The following HPSE2 variants were observed in gnomAD, a reference collection of about 807,000 sequenced individuals.
The protein encoded by HPSE2 is inactive heparanase-2.
Under a neutral mutation model 60.5 loss-of-function variants are expected in HPSE2, and 38 were observed. The observed-to-expected ratio is 0.63, with a 90% CI of 0.48 to 0.82. The LOEUF (loss-of-function observed/expected upper bound fraction) is 0.82, where lower values mean the gene tolerates loss of function less well. Ranked by LOEUF, HPSE2 falls within the 40% of genes least tolerant of loss-of-function variation. HPSE2 has a pLI of 0.00. For missense variants in HPSE2, 713 were observed against 740.4 expected, an observed-to-expected ratio of 0.96 and a Z score of 0.43; for synonymous variants, 295 against 293.2, an observed-to-expected ratio of 1.01 and a Z score of -0.06.
intron 3 of HPSE2, among the ~76,000 whole-genome samples, chr10:98,963,169 C>T (rs920102012): frequency 6.6e-6 from 1 of 152,152 alleles, no homozygotes; most frequent in Non-Finnish European, 1.5e-5. Context: ...TATGTACTTT[C>T]TGACCTTCTA....
chr10:98,620,000 A>G (rs1399101154), intron 8 of HPSE2, among the ~76,000 whole-genome samples: 2 of 152,144 alleles, frequency 1.3e-5, no homozygotes, highest in African/African-American at 4.8e-5. Flanking sequence ...AAGTTACTTC[A>G]CCTCTTTCAG....
At chr10:98,506,862 CTCT>C (rs996924686) in intron 9 of HPSE2, among the ~76,000 whole-genome samples, 5 of 151,534 alleles carry the variant, frequency 3.3e-5, no homozygotes, top group African/African-American at 7.3e-5. Flanking sequence ...TGTGATAGAT[CTCT>C]TCATTTCCAT....
intron 2 of HPSE2, among the ~76,000 whole-genome samples, chr10:99,228,124 G>A (rs1474023472): frequency 1.3e-5 from 2 of 151,992 alleles, no homozygotes; most frequent in African/African-American, 4.8e-5. Flanking sequence ...TACATTCAAT[G>A]CATATTCATA....
At chr10:98,749,511 A>G (rs970343142) in intron 3 of HPSE2, among the ~76,000 whole-genome samples, 2 of 151,640 alleles carry the variant, frequency 1.3e-5, no homozygotes, top group African/African-American at 4.8e-5. Context: ...ATGCATATAT[A>G]CATACATACA....
chr10:99,188,217 C>T (rs1237750370), intron 2 of HPSE2, among the ~76,000 whole-genome samples: 1 of 152,140 alleles, frequency 6.6e-6, no homozygotes, highest in Non-Finnish European at 1.5e-5. Context: ...CAAAACATTA[C>T]ACTAAGTGAA....
rs1948861480 is a variant in HPSE2 at position 98,719,237 on chromosome 10, T to C, written c.956+2420A>G. On this transcript the variant is annotated intron_variant, in intron 5 of 11. Coordinates refer to ENST00000370552, the MANE Select transcript of HPSE2 (RefSeq NM_021828.5). ...CAACAAGCATTTATAACACACTTAC[T>C]ATGTTCCTAGATTCTGAAGATATAG... Among the ~76,000 whole-genome samples the C allele has an allele frequency of 1.3e-5, 2 of 152,132 alleles. 1 individual carries two copies. The highest frequency in any genetic ancestry group is 1.3e-4 in the Admixed American group (2 of 15,246).
chr10:99,178,389 G>A (rs892322644), intron 2 of HPSE2, among the ~76,000 whole-genome samples: 5 of 151,858 alleles, frequency 3.3e-5, no homozygotes, highest in African/African-American at 4.8e-5. Flanking sequence ...TAATAAAGAA[G>A]AAAAGAGAGA....
chr10:98,721,348 T>A (rs1304417029), intron 5 of HPSE2, among the ~76,000 whole-genome samples: 1 of 152,106 alleles, frequency 6.6e-6, no homozygotes, highest in Non-Finnish European at 1.5e-5. Flanking sequence ...TTAAAAAATA[T>A]AAAATGATGC....
chr10:98,696,292 T>TAAAAAAAAA (rs71009706), intron 5 of HPSE2, among the ~76,000 whole-genome samples: 1 of 89,658 alleles, frequency 1.1e-5, no homozygotes, highest in African/African-American at 4.1e-5. Flanking sequence ...GAGGCTCCCA[T>TAAAAAAAAA]AAAAAAAAAA....
intron 6 of HPSE2, among the ~76,000 whole-genome samples, chr10:98,665,343 A>G (rs1947334435): frequency 6.6e-6 from 1 of 152,204 alleles, no homozygotes; most frequent in South Asian, 2.1e-4. Flanking sequence ...TAAGAGAGTA[A>G]GCAACTTGGA....
At chr10:98,780,401 C>T (rs776284737) in intron 3 of HPSE2, among the ~76,000 whole-genome samples, 43 of 152,212 alleles carry the variant, frequency 2.8e-4, no homozygotes, top group Non-Finnish European at 4.6e-4. Flanking sequence ...TTTCTCCAAA[C>T]TTGCTCTTTG....
At chr10:98,749,200 C>A in intron 3 of HPSE2, among the ~76,000 whole-genome samples, 1 of 151,778 alleles carries the variant, frequency 6.6e-6, no homozygotes, top group East Asian at 1.9e-4. Flanking sequence ...TCTTAGTTTC[C>A]CTAGTACTTG....
At chr10:98,470,694 T>C (rs1398385719) in intron 11 of HPSE2, among the ~76,000 whole-genome samples, 4 of 152,236 alleles carry the variant, frequency 2.6e-5, no homozygotes, top group African/African-American at 7.2e-5. Context: ...TTTAGAAATA[T>C]GTTAGCTCTA....
At chr10:98,826,935 A>G (rs1337523852) in intron 3 of HPSE2, among the ~76,000 whole-genome samples, 5 of 152,128 alleles carry the variant, frequency 3.3e-5, no homozygotes, top group African/African-American at 1.2e-4. Context: ...ATCGCTTGAG[A>G]CCAGGAGTTT....
At chr10:98,900,408 C>G (rs1208801189) in intron 3 of HPSE2, among the ~76,000 whole-genome samples, 1 of 151,852 alleles carries the variant, frequency 6.6e-6, no homozygotes, top group East Asian at 1.9e-4. Context: ...TTACCTGGGA[C>G]AAAGTGGAGG....
chr10:99,040,726 T>A (rs999326183), intron 3 of HPSE2, among the ~76,000 whole-genome samples: 1 of 152,182 alleles, frequency 6.6e-6, no homozygotes, highest in East Asian at 1.9e-4. Context: ...CTATTTAGAT[T>A]CTTAATTCAT....
chr10:99,205,496 C>T (rs1287349364), intron 2 of HPSE2, among the ~76,000 whole-genome samples: 1 of 152,046 alleles, frequency 6.6e-6, no homozygotes, highest in South Asian at 2.1e-4. Context: ...GCATGAGAAT[C>T]GCTTGAACCC....
chr10:99,030,175 T>C lies in HPSE2; in HGVS notation c.610+114063A>G, dbSNP rs189968251. On this transcript the variant is annotated intron_variant, in intron 3 of 11. Transcript: ENST00000370552. ...ATAAAGAGTAATTACTACCAACTAA[T>C]GATTAATGATATTCGCATATAATCG... Among the ~76,000 whole-genome samples the C allele has an allele frequency of 1.1e-4, 17 of 152,344 alleles. No homozygotes were observed. The East Asian group carries it at 3.3e-3, about 29-fold the overall frequency.
chr10:99,056,817 C>A (rs1958125634), intron 3 of HPSE2, among the ~76,000 whole-genome samples: 1 of 152,028 alleles, frequency 6.6e-6, no homozygotes, highest in South Asian at 2.1e-4. Context: ...AAACTTTCTA[C>A]TCTATAAAAC....
Sources: allele counts gnomAD v4.1 joint callset (sites outside exome capture counted in the v4.1 genomes callset), GRCh38; gene constraint gnomAD v4.1.1; transcripts MANE v1.5; gene names NCBI Gene and HGNC (gene_info 2026-07-23, HGNC 2026-07-21).